Variants in ATP8A1 observed in about 807,000 individuals in gnomAD.
ATP8A1 encodes ATPase phospholipid transporting 8A1, also known as phospholipid-transporting ATPase IA.
In ATP8A1, 90 loss-of-function variants were observed where a neutral mutation model predicts 177.7. That is an observed-to-expected ratio of 0.51 (90% CI 0.43 to 0.60). The LOEUF (loss-of-function observed/expected upper bound fraction) is 0.60, where lower values mean the gene tolerates loss of function less well. Among genes scored for constraint, ATP8A1 ranks in the 20% least tolerant of loss-of-function variants. ATP8A1 has a pLI of 0.00. For missense variants in ATP8A1, 1,072 were observed against 1,392.8 expected (o/e 0.77, Z 3.67); for synonymous variants, 493 against 485.9 (o/e 1.01, Z -0.19).
intron 5 of ATP8A1, among the ~76,000 whole-genome samples, chr4:42,610,342 C>G (rs1046406477): frequency 1.3e-5 from 2 of 152,042 alleles, no homozygotes; most frequent in Admixed American, 1.3e-4. Flanking sequence ...TTGAATCACA[C>G]CCATTTTTCC....
chr4:42,478,020 T>C lies in ATP8A1; in HGVS notation c.2324+7476A>G, dbSNP rs148401604. Among the ~76,000 whole-genome samples, 509 of 151,972 alleles carry C rather than the reference T, an allele frequency of 3.3e-3. 2 individuals are homozygous for C. The highest frequency in any genetic ancestry group is 3.9e-3 in the Non-Finnish European group (266 of 67,980). ...AAACAAAAAATAAATTCGTTCTACA[T>C]ATAGTGACATGGATATGTCTCAAAA... On this transcript the variant is annotated intron_variant, in intron 25 of 36. Coordinates refer to ENST00000381668, the MANE Select transcript of ATP8A1 (RefSeq NM_006095.2).
intron 25 of ATP8A1, among the ~76,000 whole-genome samples, chr4:42,471,190 A>C (rs1379254968): frequency 3.3e-5 from 5 of 152,228 alleles, no homozygotes; most frequent in Admixed American, 6.5e-5. Context: ...GATACTTAGC[A>C]ATATGGTACA....
At position 42,447,985 on chromosome 4, in the gene ATP8A1, C is replaced by A. The variant is rs75603436; in HGVS notation, c.2897-1341G>T. Among the ~76,000 whole-genome samples the A allele has an allele frequency of 3.6e-3, 552 of 152,156 alleles. 6 individuals carry two copies. Among genetic ancestry groups the A allele is most frequent in the African/African-American group, 0.013 (526 of 41,500 alleles). The stretch of plus-strand genomic sequence containing the variant: ...TTCCTGGTCTATGGATCTCTTTACA[C>A]TAAAAAATTATTGAGGGTCTCAAAA... On this transcript the variant is annotated intron_variant, in intron 30 of 36. Transcript: ENST00000381668.
intron 14 of ATP8A1, 68 bp downstream of exon 14, chr4:42,574,551 C>A: frequency 7.5e-7 from 1 of 1,325,738 alleles, no homozygotes; most frequent in South Asian, 1.3e-5. Context: ...TAAGAACTCC[C>A]AAATGTACCA....
intron 9 of ATP8A1, among the ~76,000 whole-genome samples, chr4:42,583,681 C>T (rs1348123641): frequency 1.3e-5 from 2 of 152,212 alleles, no homozygotes; most frequent in Non-Finnish European, 2.9e-5. Context: ...ACAAAGTATA[C>T]TCATTCCAAA....
At chr4:42,593,021 A>G (rs1258728027) in intron 6 of ATP8A1, among the ~76,000 whole-genome samples, 2 of 152,120 alleles carry the variant, frequency 1.3e-5, no homozygotes, top group African/African-American at 4.8e-5. Flanking sequence ...AAGCTTATCA[A>G]TTTAAACAAA....
At chr4:42,641,748 A>T (rs561833190) in intron 1 of ATP8A1, among the ~76,000 whole-genome samples, 20 of 152,334 alleles carry the variant, frequency 1.3e-4, no homozygotes, top group Non-Finnish European at 2.2e-4. Context: ...ACAATGATGA[A>T]AGTTATCTGA....
intron 2 of ATP8A1, chr4:42,626,702 C>T: frequency 2.8e-6 from 1 of 355,540 alleles, no homozygotes; most frequent in Non-Finnish European, 5.2e-6. Context: ...ACGCATCGCT[C>T]TATTAACAGG....
chr4:42,596,327 G>A (rs1270545752), intron 6 of ATP8A1, among the ~76,000 whole-genome samples: 1 of 152,130 alleles, frequency 6.6e-6, no homozygotes, highest in Non-Finnish European at 1.5e-5. Context: ...GCAACATCAA[G>A]GATTATGTAA....
At chr4:42,494,819 T>A (rs1325129965) in intron 24 of ATP8A1, among the ~76,000 whole-genome samples, 1 of 152,218 alleles carries the variant, frequency 6.6e-6, no homozygotes, top group Admixed American at 6.5e-5. Context: ...ATGTATGTAT[T>A]TGGTTTAAAA....
chr4:42,480,166 T>C (rs1408714075), intron 25 of ATP8A1, among the ~76,000 whole-genome samples: 2 of 152,190 alleles, frequency 1.3e-5, no homozygotes, highest in Non-Finnish European at 2.9e-5. Context: ...TTGTCAAATA[T>C]AGACTTACCT....
intron 30 of ATP8A1, among the ~76,000 whole-genome samples, chr4:42,449,235 T>TA (rs1210740148): frequency 6.6e-6 from 1 of 152,232 alleles, no homozygotes; most frequent in African/African-American, 2.4e-5. Flanking sequence ...TGCACTTTGG[T>TA]ATGCAGAACT....
intron 4 of ATP8A1, among the ~76,000 whole-genome samples, chr4:42,616,740 C>T (rs548617043): frequency 6.6e-6 from 1 of 152,278 alleles, no homozygotes; most frequent in East Asian, 1.9e-4. Context: ...ACACAATAAG[C>T]AAGTGAGTTA....
chr4:42,520,460 T>C (rs937917023), intron 22 of ATP8A1, among the ~76,000 whole-genome samples: 1 of 152,148 alleles, frequency 6.6e-6, no homozygotes, highest in African/African-American at 2.4e-5. Flanking sequence ...TAAAAGAGAT[T>C]GTGATTATGG....
At chr4:42,637,594 T>C (rs1739525208) in intron 1 of ATP8A1, among the ~76,000 whole-genome samples, 1 of 152,250 alleles carries the variant, frequency 6.6e-6, no homozygotes, top group African/African-American at 2.4e-5. Context: ...ACTTGTCATA[T>C]GGAGACTTGC....
Position 42,410,972 on chromosome 4 carries a change from T to TA in ATP8A1, c.*1943dup, listed in dbSNP as rs1489760038. ...TTATTTTTTGTGGTTTGACCTCAGC[T>TA]ATCACCACTGGGAAGCCCAGGAAAA... is the stretch of plus-strand genomic sequence containing the variant. On this transcript the variant is annotated 3_prime_UTR_variant, in exon 37 of 37. Coordinates refer to ENST00000381668, the MANE Select transcript of ATP8A1 (RefSeq NM_006095.2). The TA allele has an allele frequency of 2.6e-5, 4 of 152,184 alleles. No homozygotes were observed. The highest frequency in any genetic ancestry group is 5.9e-5 in the Non-Finnish European group (4 of 68,056). 9.4% of individuals were successfully genotyped at this position (152,184 alleles called of 1,614,324 possible). A position where few individuals can be genotyped will look rare whatever the true frequency, so the allele number is the denominator to read the frequency against.
chr4:42,633,028 T>C (rs1237051930), intron 1 of ATP8A1, among the ~76,000 whole-genome samples: 1 of 152,222 alleles, frequency 6.6e-6, no homozygotes, highest in East Asian at 1.9e-4. Flanking sequence ...ATTTCCCTTC[T>C]TGAGCCTTTA....
intron 25 of ATP8A1, among the ~76,000 whole-genome samples, chr4:42,469,683 C>T (rs1174312817): frequency 2.6e-5 from 4 of 152,250 alleles, no homozygotes; most frequent in African/African-American, 9.6e-5. Flanking sequence ...GGAGAGTTCA[C>T]TTCAGGTAAC....
At chr4:42,473,623 G>GT (rs146047347) in intron 25 of ATP8A1, among the ~76,000 whole-genome samples, 25,578 of 151,070 alleles carry the variant, frequency 0.17, 2,342 homozygotes, top group South Asian at 0.23. Flanking sequence ...AAGGGATAAA[G>GT]TTTTTTTATT....
Sources: allele counts gnomAD v4.1 joint callset (sites outside exome capture counted in the v4.1 genomes callset), GRCh38; gene constraint gnomAD v4.1.1; transcripts MANE v1.5; gene names NCBI Gene and HGNC (gene_info 2026-07-23, HGNC 2026-07-21).